The following TRPM3 variants were observed in gnomAD, a reference collection of about 807,000 sequenced individuals.
TRPM3 encodes long transient receptor potential channel 3.
A neutral mutation model predicts 181.2 loss-of-function variants in TRPM3; 77 were observed. The ratio of observed to expected loss-of-function variants is 0.42; its 90% confidence interval spans 0.35 to 0.51. The LOEUF (loss-of-function observed/expected upper bound fraction) is 0.51, where lower values mean the gene tolerates loss of function less well. Among genes scored for constraint, TRPM3 ranks in the 20% least tolerant of loss-of-function variants. TRPM3 has a pLI of 0.01. For synonymous variants in TRPM3, 745 were observed against 796.4 expected, an observed-to-expected ratio of 0.94 and a Z score of 1.09; for missense variants, 1,759 against 2,196.7, an observed-to-expected ratio of 0.80 and a Z score of 3.98.
At chr9:71,333,325 A>G (rs933314944) in intron 1 of TRPM3, among the ~76,000 whole-genome samples, 1 of 151,980 alleles carries the variant, frequency 6.6e-6, no homozygotes, top group Admixed American at 6.5e-5. Context: ...AATAGCTCCC[A>G]ATAGCATTCA....
intron 1 of TRPM3, among the ~76,000 whole-genome samples, chr9:71,101,623 T>C (rs1237924503): frequency 1.3e-5 from 2 of 152,172 alleles, no homozygotes; most frequent in Non-Finnish European, 2.9e-5. Flanking sequence ...AGTCTTTCAT[T>C]GGAAGCAATC....
Position 71,429,018 on chromosome 9 carries a change from T to A in TRPM3, c.183+17635A>T, listed in dbSNP as rs75396200. Among the ~76,000 whole-genome samples the A allele has an allele frequency of 2.3e-3, 343 of 151,500 alleles. 2 individuals are homozygous for A. Among genetic ancestry groups the A allele is most frequent in the African/African-American group, 7.9e-3 (325 of 41,286 alleles). ...AAAGAGCATTTTATTGAGGACCTCATCTTTGCACAATACTGTATCTCATTG... is the reference window on the plus strand; with the variant it reads ...AAAGAGCATTTTATTGAGGACCTCAACTTTGCACAATACTGTATCTCATTG... On this transcript the variant is annotated intron_variant, in intron 1 of 24. Coordinates refer to the TRPM3 transcript ENST00000357533.
chr9:71,136,988 C>T lies in TRPM3; in HGVS notation c.184-272477G>A, dbSNP rs192366457. ...TTTTTAAGTGTGCAGTAAATGTAATCGGAATTGCATTTTAAAATGACTCTA... is the reference window on the plus strand; with the variant it reads ...TTTTTAAGTGTGCAGTAAATGTAATTGGAATTGCATTTTAAAATGACTCTA... On this transcript the variant is annotated intron_variant, in intron 1 of 24. Transcript: ENST00000357533. Among the ~76,000 whole-genome samples, 210 of 152,142 alleles carry T rather than the reference C, an allele frequency of 1.4e-3. 1 individual carries two copies. The highest frequency in any genetic ancestry group is 2.5e-3 in the Non-Finnish European group (170 of 68,002).
intron 1 of TRPM3, among the ~76,000 whole-genome samples, chr9:71,292,446 G>A (rs1462932278): frequency 6.6e-6 from 1 of 151,814 alleles, no homozygotes; most frequent in Non-Finnish European, 1.5e-5. Flanking sequence ...TTTATAGAGG[G>A]AGGAATAAAC....
At chr9:71,413,096 C>G (rs564112403) in intron 1 of TRPM3, among the ~76,000 whole-genome samples, 1 of 151,772 alleles carries the variant, frequency 6.6e-6, no homozygotes. Flanking sequence ...TGGGGCCTTT[C>G]GTGGGGTTGG....
chr9:71,433,850 A>G (rs982079949), intron 1 of TRPM3, among the ~76,000 whole-genome samples: 7 of 152,048 alleles, frequency 4.6e-5, no homozygotes, highest in Non-Finnish European at 1.0e-4. Context: ...AAATTTCCTG[A>G]ATTATCATAG....
At chr9:71,351,400 T>C (rs983473597) in intron 1 of TRPM3, among the ~76,000 whole-genome samples, 1 of 152,222 alleles carries the variant, frequency 6.6e-6, no homozygotes, top group African/African-American at 2.4e-5. Context: ...GAAACAATGA[T>C]TCTATAACCT....
intron 1 of TRPM3, among the ~76,000 whole-genome samples, chr9:71,075,938 C>T (rs1036582228): frequency 6.6e-6 from 1 of 152,176 alleles, no homozygotes; most frequent in African/African-American, 2.4e-5. Context: ...ATGGAAATCA[C>T]TGGTCATAGC....
intron 1 of TRPM3, among the ~76,000 whole-genome samples, chr9:71,241,219 T>C (rs1305662131): frequency 2.0e-5 from 3 of 152,098 alleles, no homozygotes; most frequent in Non-Finnish European, 4.4e-5. Flanking sequence ...GTTTTCCTGT[T>C]TCACACCTCT....
intron 1 of TRPM3, among the ~76,000 whole-genome samples, chr9:71,111,481 G>T (rs1213749212): frequency 6.6e-6 from 1 of 152,116 alleles, no homozygotes; most frequent in South Asian, 2.1e-4. Flanking sequence ...CATCGCGGGG[G>T]TTGGGGGGTG....
chr9:71,027,304 AAAAT>A (rs530576563), intron 1 of TRPM3, among the ~76,000 whole-genome samples: 12 of 152,304 alleles, frequency 7.9e-5, no homozygotes, highest in African/African-American at 2.6e-4. Flanking sequence ...GGGTAAAAGA[AAAAT>A]AAAATCCATC....
rs1228391116 is a variant in TRPM3 at position 71,298,912 on chromosome 9, AC to A, written c.183+147740del. Among the ~76,000 whole-genome samples, 8 of 152,324 alleles carry A rather than the reference AC, an allele frequency of 5.3e-5. No individual in the cohort carries two copies. The East Asian group carries it at 1.5e-3, about 29-fold the overall frequency. ...TTCAACTTATAGCTGACATCGTCCT[AC>A]TTTCCTAGATAAGAGAATCAACTCT... On this transcript the variant is annotated intron_variant, in intron 1 of 24. Coordinates refer to the TRPM3 transcript ENST00000357533.
chr9:70,878,908 A>G (rs1472823326), intron 1 of TRPM3, among the ~76,000 whole-genome samples: 1 of 152,146 alleles, frequency 6.6e-6, no homozygotes, highest in African/African-American at 2.4e-5. Context: ...AGTTGGGAAA[A>G]CACCCTGTGC....
At chr9:71,022,681 G>C (rs2097856483) in intron 1 of TRPM3, among the ~76,000 whole-genome samples, 1 of 152,074 alleles carries the variant, frequency 6.6e-6, no homozygotes, top group Admixed American at 6.5e-5. Flanking sequence ...CTGTGTGACA[G>C]AGCAAGACTC....
At chr9:71,213,798 T>C (rs2079670068) in intron 1 of TRPM3, among the ~76,000 whole-genome samples, 1 of 152,202 alleles carries the variant, frequency 6.6e-6, no homozygotes, top group South Asian at 2.1e-4. Context: ...AGTAGGTCTA[T>C]AATTACTTCT....
intron 1 of TRPM3, among the ~76,000 whole-genome samples, chr9:71,306,295 C>T (rs1015393172): frequency 3.3e-5 from 5 of 152,262 alleles, no homozygotes; most frequent in South Asian, 2.1e-4. Flanking sequence ...TTGAGAGCCA[C>T]GCAGCAAATG....
rs531256645 is a variant in TRPM3, at chr9:71,329,932, A to C, written c.183+116721T>G. Among the ~76,000 whole-genome samples the C allele has an allele frequency of 1.6e-4, 25 of 152,346 alleles. 1 individual carries two copies. Among genetic ancestry groups the C allele is most frequent in the Middle Eastern group, 3.4e-3 (1 of 294 alleles). On this transcript the variant is annotated intron_variant, in intron 1 of 24. Transcript: ENST00000357533. Reference sequence around the variant, plus strand: ...TAAATACAGAAAATTTCTTGGAAGCATCATTTTCTAAGATTTAATTCACAG... The same window carrying C: ...TAAATACAGAAAATTTCTTGGAAGCCTCATTTTCTAAGATTTAATTCACAG...
intron 1 of TRPM3, among the ~76,000 whole-genome samples, chr9:70,894,024 T>C (rs2096248550): frequency 6.6e-6 from 1 of 152,176 alleles, no homozygotes; most frequent in Non-Finnish European, 1.5e-5. Flanking sequence ...ACAAAATGGG[T>C]CACGGATGTC....
chr9:70,811,533 T>C (rs2092037803), intron 6 of TRPM3, among the ~76,000 whole-genome samples: 1 of 152,216 alleles, frequency 6.6e-6, no homozygotes, highest in African/African-American at 2.4e-5. Flanking sequence ...AAGGGTCAAA[T>C]GAGTTAATAT....
Sources: allele counts gnomAD v4.1 joint callset (sites outside exome capture counted in the v4.1 genomes callset), GRCh38; gene constraint gnomAD v4.1.1; transcripts MANE v1.5; gene names NCBI Gene and HGNC (gene_info 2026-07-23, HGNC 2026-07-21).